The following SLC7A2 variants were observed in gnomAD, a reference collection of about 807,000 sequenced individuals.
SLC7A2 encodes solute carrier family 7 member 2.
A neutral mutation model predicts 58.9 loss-of-function variants in SLC7A2; 48 were observed. The observed-to-expected ratio is 0.82, with a 90% CI of 0.65 to 1.04. The LOEUF (loss-of-function observed/expected upper bound fraction) is 1.04, where lower values mean the gene tolerates loss of function less well. SLC7A2 is among the 50% of genes least tolerant of loss of function. The pLI is 0.00. For synonymous variants in SLC7A2, 363 were observed against 314.5 expected (o/e 1.15, Z -1.63); for missense variants, 1,029 against 818.8 (o/e 1.26, Z -3.13).
intron 1 of SLC7A2, among the ~76,000 whole-genome samples, chr8:17,498,241 A>G (rs1343355159): frequency 3.3e-5 from 5 of 152,226 alleles, no homozygotes; most frequent in African/African-American, 1.2e-4. Context: ...ATATCGTCAG[A>G]TCTTATTCAA....
At position 17,536,160 on chromosome 8, in the gene SLC7A2, T is replaced by C. The variant is rs1801656519; in HGVS notation, c.-22-7158T>C. ...TTTTTAGTAAGTACTGTAGAGCCCTTGGTATTCCTGGGGCCCTGACTAGCT... is the reference window on the plus strand; with the variant it reads ...TTTTTAGTAAGTACTGTAGAGCCCTCGGTATTCCTGGGGCCCTGACTAGCT... On this transcript the variant is annotated intron_variant, in intron 2 of 12. Transcript: ENST00000494857. Among the ~76,000 whole-genome samples the C allele has an allele frequency of 3.3e-5, 5 of 151,954 alleles. 1 individual carries two copies. In the South Asian group the frequency reaches 1.0e-3, roughly 32 times the overall value.
intron 2 of SLC7A2, among the ~76,000 whole-genome samples, chr8:17,520,028 T>A (rs573086302): frequency 1.3e-5 from 2 of 152,244 alleles, no homozygotes; most frequent in East Asian, 3.9e-4. Flanking sequence ...TTAGTGATGA[T>A]CAGAGTGAAA....
At position 17,548,658 on chromosome 8, in the gene SLC7A2, G is replaced by A. The variant is rs1802291878; in HGVS notation, c.533-20G>A. The A allele has an allele frequency of 6.3e-7, 1 of 1,577,162 alleles. No individual in the cohort carries two copies. Among genetic ancestry groups the A allele is most frequent in the Admixed American group, 1.8e-5 (1 of 54,088 alleles). ...CCTTTCCTAAAGCTAAATAAAAATT[G>A]AAATGCCCTTTTTCCATAGGTCTTT... On this transcript the variant is annotated intron_variant, in intron 4 of 12. Transcript: ENST00000494857.
At chr8:17,561,801 G>A (rs980468277) in intron 10 of SLC7A2, 143 bp from the exon 11 acceptor site, 5 of 727,474 alleles carry the variant, frequency 6.9e-6, no homozygotes, top group Non-Finnish European at 1.1e-5. Flanking sequence ...TGAAAAAGAA[G>A]AAAGGGCAAG....
intron 2 of SLC7A2, among the ~76,000 whole-genome samples, chr8:17,505,503 C>T (rs752325100): frequency 3.3e-5 from 5 of 152,132 alleles, no homozygotes; most frequent in Non-Finnish European, 7.3e-5. Flanking sequence ...GGATGCTGTT[C>T]CCTGGCCTCA....
chr8:17,538,933 T>C (rs76647699), intron 2 of SLC7A2: 18,411 of 1,611,246 alleles, frequency 0.011, 557 homozygotes, highest in East Asian at 0.09. Context: ...GTAAGATTTA[T>C]TGTCAGGGCC....
chr8:17,507,411 A>T (rs189022564), intron 2 of SLC7A2, among the ~76,000 whole-genome samples: 1 of 151,950 alleles, frequency 6.6e-6, no homozygotes, highest in Admixed American at 6.6e-5. Flanking sequence ...CGGGGGTCTC[A>T]CTGTGTTGCC....
At chr8:17,563,550 G>C in intron 11 of SLC7A2, 53 bp from the exon 12 acceptor site, 1 of 1,077,660 alleles carries the variant, frequency 9.3e-7, no homozygotes, top group South Asian at 1.3e-5. Context: ...AAATAACTTG[G>C]GGAATATGCT....
rs552080944 is a variant in SLC7A2 at position 17,545,070 on chromosome 8, T to C, written c.532+464T>C. ...AAAGGAAGCAAGTTCTAATCACCTG[T>C]CATTTTGTAATGTCGACATTATATA... On this transcript the variant is annotated intron_variant, in intron 4 of 12. Transcript: ENST00000494857. Among the ~76,000 whole-genome samples the C allele has an allele frequency of 5.9e-5, 9 of 152,344 alleles. No homozygotes were observed. The East Asian group carries it at 1.7e-3, about 29-fold the overall frequency.
intron 2 of SLC7A2, among the ~76,000 whole-genome samples, chr8:17,529,368 G>A (rs559087785): frequency 8.6e-4 from 82 of 95,534 alleles, no homozygotes; most frequent in South Asian, 3.1e-3. Context: ...TATGGCCAGC[G>A]AAATACTATT....
At chr8:17,553,993 T>C (rs2150761736) in intron 7 of SLC7A2, among the ~76,000 whole-genome samples, 1 of 152,322 alleles carries the variant, frequency 6.6e-6, no homozygotes, top group East Asian at 1.9e-4. Context: ...AAATTGATCT[T>C]CTTTCCCTTC....
chr8:17,529,085 G>A lies in SLC7A2; in HGVS notation c.-22-14233G>A, dbSNP rs570590742. ...TTTACATGTACTTTATAATAAAAAAGCATTATAAAGGCTTTAACATTAAAT... is the reference window on the plus strand; with the variant it reads ...TTTACATGTACTTTATAATAAAAAAACATTATAAAGGCTTTAACATTAAAT... On this transcript the variant is annotated intron_variant, in intron 2 of 12. Coordinates refer to ENST00000494857, the MANE Select transcript of SLC7A2 (RefSeq NM_001370338.1). Among the ~76,000 whole-genome samples the A allele has an allele frequency of 5.3e-5, 8 of 152,264 alleles. No homozygotes were observed. In the East Asian group the frequency reaches 7.7e-4, roughly 15 times the overall value.
rs543184580 is a variant in SLC7A2, at chr8:17,525,536, G to A, written c.-22-17782G>A. Among the ~76,000 whole-genome samples the A allele has an allele frequency of 3.9e-5, 6 of 152,312 alleles. No homozygotes were observed. In the East Asian group the frequency reaches 7.7e-4, roughly 20 times the overall value. The stretch of plus-strand genomic sequence containing the variant: ...TATACAGATACGGGTTTGGGTGTAT[G>A]AACAGTAGGAGTGGCGAGTCCTGAG... On this transcript the variant is annotated intron_variant, in intron 2 of 12. Transcript: ENST00000494857.
upstream of SLC7A2, among the ~76,000 whole-genome samples, chr8:17,495,844 C>T (rs570969412): frequency 6.6e-6 from 1 of 152,192 alleles, no homozygotes; most frequent in Admixed American, 6.5e-5. Flanking sequence ...GCCACCACCC[C>T]CAGCCTACAC....
At chr8:17,541,289 G>C (rs1395410865) in intron 2 of SLC7A2, among the ~76,000 whole-genome samples, 2 of 152,140 alleles carry the variant, frequency 1.3e-5, no homozygotes, top group African/African-American at 4.8e-5. Flanking sequence ...AGATATATGA[G>C]AAAGGGCTAT....
rs1270417366 is a variant in SLC7A2 at position 17,566,183 on chromosome 8, T to C, written c.*1037T>C. On this transcript the variant is annotated 3_prime_UTR_variant, in exon 13 of 13. Transcript: ENST00000494857. The stretch of plus-strand genomic sequence containing the variant: ...GATTCCTCCTTTTTCCATTACTTAC[T>C]TAATCACAGTTTAGTTTTTTTCTTA... 3 of 152,236 alleles carry C rather than the reference T, an allele frequency of 2.0e-5. No individual in the cohort carries two copies. The highest frequency in any genetic ancestry group is 7.2e-5 in the African/African-American group (3 of 41,462). The allele number at this position is 152,236 out of a possible 1,614,324, so 9.4% of individuals were successfully genotyped here.
chr8:17,512,502 G>A (rs1469941519), intron 2 of SLC7A2, among the ~76,000 whole-genome samples: 4 of 152,132 alleles, frequency 2.6e-5, no homozygotes, highest in African/African-American at 9.7e-5. Context: ...AGGCAAGATC[G>A]TGCTACTGCG....
At chr8:17,538,888 C>G (rs1270247156) in intron 2 of SLC7A2, 1 of 1,613,778 alleles carries the variant, frequency 6.2e-7, no homozygotes, top group Non-Finnish European at 8.5e-7. Flanking sequence ...TATTGGAACA[C>G]CTGCCCCACC....
At chr8:17,512,945 G>A (rs1248316637) in intron 2 of SLC7A2, among the ~76,000 whole-genome samples, 4 of 152,122 alleles carry the variant, frequency 2.6e-5, no homozygotes, top group South Asian at 2.1e-4. Flanking sequence ...AGGTTCATCC[G>A]TGTTGCAGCA....
Sources: allele counts gnomAD v4.1 joint callset (sites outside exome capture counted in the v4.1 genomes callset), GRCh38; gene constraint gnomAD v4.1.1; transcripts MANE v1.5; gene names NCBI Gene and HGNC (gene_info 2026-07-23, HGNC 2026-07-21).